AKT3: variants seen among roughly 807,000 people sequenced by gnomAD.
AKT3 encodes RAC-gamma serine/threonine-protein kinase.
In AKT3, 15 loss-of-function variants were observed where a neutral mutation model predicts 65.3. The ratio of observed to expected loss-of-function variants is 0.23; its 90% confidence interval spans 0.15 to 0.35. The LOEUF (loss-of-function observed/expected upper bound fraction) is 0.35. Ranked by LOEUF, AKT3 falls within the 10% of genes least tolerant of loss-of-function variation. The pLI, the probability that AKT3 is intolerant of heterozygous loss-of-function variation, is 1.00. For synonymous variants in AKT3, 206 were observed against 183.8 expected (o/e 1.12, Z -0.98); for missense variants, 243 against 576.5 (o/e 0.42, Z 5.92).
At chr1:243,804,613 G>A (rs1408908080) in intron 2 of AKT3, among the ~76,000 whole-genome samples, 2 of 152,130 alleles carry the variant, frequency 1.3e-5, no homozygotes, top group African/African-American at 4.8e-5. Context: ...TTGGGAGGCC[G>A]AGGCGGATGG....
chr1:243,653,689 T>G (rs1681548867), intron 4 of AKT3, among the ~76,000 whole-genome samples: 1 of 152,210 alleles, frequency 6.6e-6, no homozygotes, highest in South Asian at 2.1e-4. Flanking sequence ...CTGAGAATTT[T>G]TAAATCTCCA....
intron 6 of AKT3, among the ~76,000 whole-genome samples, chr1:243,628,132 C>A (rs1442677375): frequency 6.6e-6 from 1 of 152,148 alleles, no homozygotes; most frequent in Non-Finnish European, 1.5e-5. Flanking sequence ...GCATTAACTG[C>A]AACTGTCTTT....
intron 3 of AKT3, among the ~76,000 whole-genome samples, chr1:243,673,375 AC>A (rs1683283201): frequency 6.6e-6 from 1 of 152,178 alleles, no homozygotes; most frequent in South Asian, 2.1e-4. Flanking sequence ...CTTTTTAGAA[AC>A]AAAAATGAGA....
At chr1:243,580,424 G>A (rs1388225810) in intron 8 of AKT3, among the ~76,000 whole-genome samples, 2 of 152,150 alleles carry the variant, frequency 1.3e-5, no homozygotes, top group Non-Finnish European at 2.9e-5. Context: ...TTCCAGACCC[G>A]GGAAAAAGAG....
intron 2 of AKT3, among the ~76,000 whole-genome samples, chr1:243,798,187 G>A (rs186977575): frequency 4.2e-4 from 61 of 144,210 alleles, no homozygotes; most frequent in African/African-American, 1.5e-3. Flanking sequence ...GATTACAGGC[G>A]TGAGCCACTG....
At chr1:243,816,760 A>T (rs1424011749) in intron 2 of AKT3, among the ~76,000 whole-genome samples, 5 of 152,184 alleles carry the variant, frequency 3.3e-5, no homozygotes, top group Non-Finnish European at 7.3e-5. Context: ...AAGGGAAAAA[A>T]GATAAAACAT....
At chr1:243,576,106 A>T (rs192355102) in intron 8 of AKT3, among the ~76,000 whole-genome samples, 105 of 152,338 alleles carry the variant, frequency 6.9e-4, no homozygotes, top group African/African-American at 2.4e-3. Flanking sequence ...AATGTAATTC[A>T]TAATATAAAC....
chr1:243,767,320 A>G (rs1448307902), intron 2 of AKT3, among the ~76,000 whole-genome samples: 4 of 152,182 alleles, frequency 2.6e-5, no homozygotes, highest in African/African-American at 7.2e-5. Flanking sequence ...GGCATAACAG[A>G]GTTAAGGCCA....
intron 11 of AKT3, 128 bp downstream of exon 11, chr1:243,552,601 G>A (rs1187078743): frequency 2.4e-6 from 2 of 830,202 alleles, no homozygotes; most frequent in Non-Finnish European, 3.8e-6. Context: ...AATAAGTCAG[G>A]ATCTCAGTGG....
intron 3 of AKT3, among the ~76,000 whole-genome samples, chr1:243,673,419 T>C (rs1456644080): frequency 6.6e-6 from 1 of 151,810 alleles, no homozygotes; most frequent in East Asian, 1.9e-4. Context: ...TTTTGGATAT[T>C]TTCCATTTCA....
rs527500813 is a variant in AKT3 at position 243,772,759 on chromosome 1, T to G, written c.46+70366A>C. Among the ~76,000 whole-genome samples the G allele has an allele frequency of 2.6e-5, 4 of 152,222 alleles. No homozygotes were observed. The East Asian group carries it at 7.7e-4, about 29-fold the overall frequency. ...ACACATATGTTTATTGAGGCACTACTCACAATAGCAAAGACTTGGAACCAA... is the reference window on the plus strand; with the variant it reads ...ACACATATGTTTATTGAGGCACTACGCACAATAGCAAAGACTTGGAACCAA... On this transcript the variant is annotated intron_variant, in intron 2 of 13. Transcript: ENST00000673466.
chr1:243,488,236 G>T (rs1055348558), exon 14 of AKT3: 2 of 152,372 alleles, frequency 1.3e-5, no homozygotes, highest in Admixed American at 6.5e-5. Context: ...CGGCTCAGTA[G>T]CCTGGAGTTT....
At chr1:243,785,241 T>A (rs566616931) in intron 2 of AKT3, among the ~76,000 whole-genome samples, 3 of 151,528 alleles carry the variant, frequency 2.0e-5, no homozygotes, top group Non-Finnish European at 4.4e-5. Context: ...GCTAATTTTT[T>A]TTTTTTTTTT....
At chr1:243,707,966 G>T (rs534089961) in intron 2 of AKT3, among the ~76,000 whole-genome samples, 6 of 152,158 alleles carry the variant, frequency 3.9e-5, no homozygotes, top group Non-Finnish European at 7.4e-5. Flanking sequence ...TAAAACTGAA[G>T]GGAATCTATG....
At chr1:243,706,718 A>G (rs1685822290) in intron 2 of AKT3, among the ~76,000 whole-genome samples, 1 of 152,120 alleles carries the variant, frequency 6.6e-6, no homozygotes, top group African/African-American at 2.4e-5. Flanking sequence ...AGAAGAGGTA[A>G]GAGCAAGGAA....
At chr1:243,648,747 T>C (rs1681040858) in intron 4 of AKT3, among the ~76,000 whole-genome samples, 2 of 152,162 alleles carry the variant, frequency 1.3e-5, no homozygotes, top group Admixed American at 1.3e-4. Context: ...TTCACTTCCA[T>C]TCATTGATAT....
chr1:243,734,079 T>C (rs1687704619), intron 2 of AKT3, among the ~76,000 whole-genome samples: 1 of 152,198 alleles, frequency 6.6e-6, no homozygotes, highest in African/African-American at 2.4e-5. Flanking sequence ...AATCCAATGA[T>C]AAACACACTG....
At chr1:243,735,933 A>C (rs1687821106) in intron 2 of AKT3, among the ~76,000 whole-genome samples, 1 of 152,234 alleles carries the variant, frequency 6.6e-6, no homozygotes, top group Non-Finnish European at 1.5e-5. Flanking sequence ...TGCTAAACAC[A>C]AAATACATCC....
At chr1:243,711,769 A>C (rs544235737) in intron 2 of AKT3, among the ~76,000 whole-genome samples, 1 of 152,350 alleles carries the variant, frequency 6.6e-6, no homozygotes, top group African/African-American at 2.4e-5. Context: ...TTCACATTTA[A>C]ATAGTTTAAG....
Sources: allele counts gnomAD v4.1 joint callset (sites outside exome capture counted in the v4.1 genomes callset), GRCh38; gene constraint gnomAD v4.1.1; transcripts MANE v1.5; gene names NCBI Gene and HGNC (gene_info 2026-07-23, HGNC 2026-07-21).